Variants in ZMYM4 observed in about 807,000 individuals in gnomAD.
ZMYM4 encodes the protein zinc finger MYM-type protein 4.
In ZMYM4, 31 loss-of-function variants were observed where a neutral mutation model predicts 183.2. The ratio of observed to expected loss-of-function variants is 0.17; its 90% CI spans 0.13 to 0.23. ZMYM4 has a LOEUF of 0.23. Ranked by LOEUF, ZMYM4 falls within the 10% of genes least tolerant of loss-of-function variation. The pLI is 1.00. For synonymous variants in ZMYM4, 592 were observed against 631.2 expected (o/e 0.94, Z 0.93); for missense variants, 1,273 against 1,840.3 (o/e 0.69, Z 5.64).
Position 35,399,467 on chromosome 1 carries a change from T to G in ZMYM4, c.3434-15T>G, listed in dbSNP as rs1203432757. ...GTTATTTACCTCATGTTGTCCTTTC[T>G]GCTGATTATTATAGACTCCTTTGAC... On this transcript the variant is annotated splice_polypyrimidine_tract_variant and intron_variant, in intron 22 of 29. Transcript: ENST00000314607. The G allele has an allele frequency of 6.2e-7, 1 of 1,612,476 alleles. No homozygotes were observed. The highest frequency in any genetic ancestry group is 8.5e-7 in the Non-Finnish European group (1 of 1,178,820).
chr1:35,403,814 C>T (rs972603849), intron 23 of ZMYM4, among the ~76,000 whole-genome samples: 2 of 151,906 alleles, frequency 1.3e-5, no homozygotes, highest in East Asian at 3.9e-4. Flanking sequence ...TTTAATCCAT[C>T]TGGGAATAGA....
chr1:35,416,185 A>C (rs1386892394), intron 28 of ZMYM4, among the ~76,000 whole-genome samples: 1 of 152,206 alleles, frequency 6.6e-6, no homozygotes, highest in African/African-American at 2.4e-5. Context: ...TTTTGTACAC[A>C]ATAGAATAAT....
At position 35,418,562 on chromosome 1, in the gene ZMYM4, C is replaced by G. The variant is rs1640212557; in HGVS notation, c.4429C>G (p.Leu1477Val). 2 of 1,613,946 alleles carry G rather than the reference C, an allele frequency of 1.2e-6. No homozygotes were observed. The highest frequency in any genetic ancestry group is 1.7e-5 in the Admixed American group (1 of 59,962). Residue 1477 changes from leucine to valine, a missense_variant, in exon 29 of 30, where the codon CTG (leucine) becomes GTG (valine). Transcript: ENST00000314607. The stretch of plus-strand genomic sequence containing the variant: ...CCCAGTCCGACTTTATGAGTTTTAC[C>G]TGTCAAAATGGTAATCTTTCTCTGA... ...RCPVRLYEFY[L>V]SKCSESVKQR...
In ZMYM4 at chr1:35,283,326, C is replaced by CTT. The variant is rs201360397; in HGVS notation, c.39+14269_39+14270dup. 7.5e-3 allele frequency among the ~76,000 whole-genome samples: 427 copies of CTT among 56,752 alleles called. 109 individuals are homozygous for CTT. The highest frequency in any genetic ancestry group is 0.03 in the African/African-American group (318 of 10,502). The allele number at this position is 56,752 out of a possible 152,430, so 37.2% of individuals were successfully genotyped here. On this transcript the variant is annotated intron_variant, in intron 1 of 29. Transcript: ENST00000314607. ...TGTCCTAGTGGGTGTGAAGTGGTAT[C>CTT]TTTTTTTTTTTTTTTTTTTTTTTTT...
At chr1:35,401,590 T>C (rs1000719987) in intron 23 of ZMYM4, among the ~76,000 whole-genome samples, 1 of 152,326 alleles carries the variant, frequency 6.6e-6, no homozygotes, top group East Asian at 1.9e-4. Context: ...ATTTTCTTAA[T>C]GATGAGTAGC....
At chr1:35,398,776 T>C in intron 21 of ZMYM4, 88 bp from the exon 22 acceptor site, 1 of 1,344,222 alleles carries the variant, frequency 7.4e-7, no homozygotes, top group Non-Finnish European at 1.0e-6. Context: ...TCTCATTTTT[T>C]GGTATTTAGG....
chr1:35,403,815 T>C (rs917119402), intron 23 of ZMYM4, among the ~76,000 whole-genome samples: 1 of 152,228 alleles, frequency 6.6e-6, no homozygotes, highest in Admixed American at 6.5e-5. Flanking sequence ...TTAATCCATC[T>C]GGGAATAGAG....
At chr1:35,384,084 G>T (rs972178134) in intron 9 of ZMYM4, among the ~76,000 whole-genome samples, 23 of 152,164 alleles carry the variant, frequency 1.5e-4, no homozygotes, top group Admixed American at 4.6e-4. Context: ...TTGAGGGGCT[G>T]CCTGTCTCCT....
chr1:35,339,498 G>C (rs1251533383), intron 2 of ZMYM4, among the ~76,000 whole-genome samples: 2 of 152,170 alleles, frequency 1.3e-5, no homozygotes, highest in African/African-American at 4.8e-5. Flanking sequence ...GCCTCCCAAA[G>C]TGCTGGGATT....
At chr1:35,385,310 A>C in intron 9 of ZMYM4, 132 bp from the exon 10 acceptor site, 2 of 955,184 alleles carry the variant, frequency 2.1e-6, no homozygotes, top group Non-Finnish European at 3.0e-6. Context: ...CTTCCTATTG[A>C]GGATTACAAT....
intron 2 of ZMYM4, among the ~76,000 whole-genome samples, chr1:35,355,464 A>G (rs909728457): frequency 6.6e-6 from 1 of 151,934 alleles, no homozygotes; most frequent in Non-Finnish European, 1.5e-5. Context: ...TCTCTCTGAA[A>G]TATTTGTTTG....
chr1:35,414,626 T>C (rs1640040096), intron 27 of ZMYM4, among the ~76,000 whole-genome samples: 1 of 152,258 alleles, frequency 6.6e-6, no homozygotes, highest in Non-Finnish European at 1.5e-5. Context: ...TTGCAAACTA[T>C]GGTCCATGGG....
In ZMYM4 at chr1:35,312,101, TATAAGTA is replaced by T. The variant is rs144992434; in HGVS notation, c.40-13256_40-13250del. On this transcript the variant is annotated intron_variant, in intron 1 of 29. Coordinates refer to ENST00000314607, the MANE Select transcript of ZMYM4 (RefSeq NM_005095.3). ...TGGTTTCTGATGGAAAGTCTGTAGTTATAAGTAATGTGTTGTTTGTTTCTGACTGTTC... is the reference window on the plus strand; with the variant it reads ...TGGTTTCTGATGGAAAGTCTGTAGTTATGTGTTGTTTGTTTCTGACTGTTC... 3.3e-3 allele frequency among the ~76,000 whole-genome samples: 509 copies of T among 152,294 alleles called. 6 individuals are homozygous for T. Among genetic ancestry groups the T allele is most frequent in the South Asian group, 0.016 (79 of 4,822 alleles).
intron 2 of ZMYM4, chr1:35,351,024 C>T (rs1643586539): frequency 1.1e-6 from 1 of 903,912 alleles, no homozygotes; most frequent in African/African-American, 1.6e-5. Context: ...TTGTACTGGC[C>T]TGCTGCTGGC....
chr1:35,412,106 C>T (rs1172494107), intron 26 of ZMYM4, among the ~76,000 whole-genome samples: 1 of 151,552 alleles, frequency 6.6e-6, no homozygotes, highest in Non-Finnish European at 1.5e-5. Context: ...GTCTCGATCT[C>T]CTGACCTTGT....
intron 1 of ZMYM4, among the ~76,000 whole-genome samples, chr1:35,323,988 G>A (rs977061060): frequency 5.9e-5 from 9 of 152,070 alleles, no homozygotes; most frequent in Non-Finnish European, 2.9e-5. Flanking sequence ...TGAATTTCAA[G>A]TTAAATGTGT....
At chr1:35,358,644 C>T (rs1005603106) in intron 2 of ZMYM4, among the ~76,000 whole-genome samples, 1 of 152,096 alleles carries the variant, frequency 6.6e-6, no homozygotes, top group Non-Finnish European at 1.5e-5. Context: ...TTGATTTCAA[C>T]ACAGATATGT....
chr1:35,291,378 T>G (rs1023018110), intron 1 of ZMYM4, among the ~76,000 whole-genome samples: 1 of 152,072 alleles, frequency 6.6e-6, no homozygotes, highest in Non-Finnish European at 1.5e-5. Flanking sequence ...CCACATCAGC[T>G]TCATTTTCTT....
chr1:35,365,354 A>G (rs549891734), intron 5 of ZMYM4, among the ~76,000 whole-genome samples: 10 of 151,500 alleles, frequency 6.6e-5, no homozygotes, highest in African/African-American at 2.4e-4. Context: ...AGAGCCAGAG[A>G]CCTCATTTTC....
Sources: allele counts gnomAD v4.1 joint callset (sites outside exome capture counted in the v4.1 genomes callset), GRCh38; gene constraint gnomAD v4.1.1; transcripts MANE v1.5; gene names NCBI Gene and HGNC (gene_info 2026-07-23, HGNC 2026-07-21).